The following RBBP8NL variants were observed in gnomAD, a reference collection of about 807,000 sequenced individuals.
RBBP8NL encodes RBBP8 N-terminal-like protein.
A neutral mutation model predicts 62.2 loss-of-function variants in RBBP8NL; 59 were observed. That is an observed-to-expected ratio of 0.95 (90% CI 0.77 to 1.18). The LOEUF is 1.18. RBBP8NL is among the 50% of genes most tolerant of loss of function. The probability of loss-of-function intolerance (pLI) is 0.00; values close to 1 mark genes in which losing one functional copy is unlikely to be tolerated. For synonymous variants in RBBP8NL, 412 were observed against 394.1 expected (o/e 1.05, Z -0.54); for missense variants, 896 against 899.5 (o/e 1.00, Z 0.05).
intron 7 of RBBP8NL, 60 bp downstream of exon 7, chr20:62,415,728 G>A: frequency 6.2e-7 from 1 of 1,609,716 alleles, no homozygotes; most frequent in Non-Finnish European, 8.5e-7. Context: ...CAGCCCCAGG[G>A]GGAGGATCCC....
Position 62,419,625 on chromosome 20 carries a change from A to G in RBBP8NL, c.23T>C (p.Leu8Pro). 1 of 1,613,422 alleles carries G rather than the reference A, an allele frequency of 6.2e-7. No homozygotes were observed. The highest frequency in any genetic ancestry group is 8.5e-7 in the Non-Finnish European group (1 of 1,179,928). ...CTCGTGGATCTCCTTCAGCCTGTTC[A>G]GCGACTCCATGAAGCTCTCCATGGC... Reference protein sequence around the residue: MESFMESLNRLKEIHEKE... With the variant: MESFMESPNRLKEIHEKE... Residue 8 changes from leucine (L) to proline (P), a missense_variant, in exon 2 of 14, where the codon CTG becomes CCG. Leu to Pro is a moderately conservative substitution (Grantham distance 98). Coordinates refer to ENST00000252998, the MANE Select transcript of RBBP8NL (RefSeq NM_080833.3).
At chr20:62,413,097 G>C (rs1179734908) in intron 11 of RBBP8NL, among the ~76,000 whole-genome samples, 197 bp from the exon 12 acceptor site, 1 of 152,272 alleles carries the variant, frequency 6.6e-6, no homozygotes, top group African/African-American at 2.4e-5. Context: ...CCATCAGTTG[G>C]GGTTCCCGCC....
In RBBP8NL at chr20:62,420,375, C is replaced by CACAT. The variant is rs1555892562; in HGVS notation, c.-83-646_-83-645insATGT. ...GCACACACACACACACACACACACACACACACACACACACACACAGATAGC... is the reference window on the plus strand; with the variant it reads ...GCACACACACACACACACACACACACACATACACACACACACACACACAGATAGC... On this transcript the variant is annotated intron_variant, in intron 1 of 13. Coordinates refer to ENST00000252998, the MANE Select transcript of RBBP8NL (RefSeq NM_080833.3). 5.3e-3 allele frequency among the ~76,000 whole-genome samples: 796 copies of CACAT among 150,432 alleles called. 8 individuals are homozygous for CACAT. The highest frequency in any genetic ancestry group is 0.019 in the African/African-American group (755 of 40,498).
Position 62,410,704 on chromosome 20 carries a change from G to A in RBBP8NL, c.*174C>T, listed in dbSNP as rs1988413777. The A allele has an allele frequency of 1.6e-6, 1 of 634,048 alleles. No homozygotes were observed. Among genetic ancestry groups the A allele is most frequent in the African/African-American group, 1.8e-5 (1 of 54,864 alleles). The allele number at this position is 634,048 out of a possible 1,614,324, so 39.3% of individuals were successfully genotyped here. On this transcript the variant is annotated 3_prime_UTR_variant, in exon 14 of 14. Transcript: ENST00000252998. The stretch of plus-strand genomic sequence containing the variant: ...GGTGGTGTGCCCTCTCCAGGCTGTG[G>A]TGAGCAGGCAGAGAGCTGCCCTGGG...
chr20:62,416,936 C>G, intron 4 of RBBP8NL, 64 bp from the exon 5 acceptor site: 3 of 1,243,712 alleles, frequency 2.4e-6, no homozygotes, highest in Non-Finnish European at 3.4e-6. Context: ...GCCTGGGACA[C>G]TCACTGCCCC....
In RBBP8NL at chr20:62,416,223, G is replaced by A. The variant is rs747514306; in HGVS notation, c.327C>T (p.Asn109=). 15 of 1,436,286 alleles carry A rather than the reference G, an allele frequency of 1.0e-5. No individual in the cohort carries two copies. Among genetic ancestry groups the A allele is most frequent in the African/African-American group, 4.5e-5 (3 of 66,754 alleles). The allele number at this position is 1,436,286 out of a possible 1,614,324, so 89.0% of individuals were successfully genotyped here. A position where few individuals can be genotyped will look rare whatever the true frequency, so the allele number is the denominator to read the frequency against. The change falls in exon 6 of 14, where the codon AAC becomes AAT. Residue 109 remains asparagine, a synonymous_variant. Transcript: ENST00000252998. ...AGGTCTCGTTCTCTTCCTTCAGCCCGTTCATCTCGTTGGCTGCAAAAGGCA... is the reference window on the plus strand; with the variant it reads ...AGGTCTCGTTCTCTTCCTTCAGCCCATTCATCTCGTTGGCTGCAAAAGGCA... ...QRIFILTNEM[N]GLKEENETLK... is the part of the protein sequence containing the mutation.
chr20:62,419,463 G>A (rs1436488887), intron 2 of RBBP8NL, 124 bp downstream of exon 2: 49 of 1,018,510 alleles, frequency 4.8e-5, no homozygotes, highest in South Asian at 4.7e-4. Context: ...CCAAAAAGAC[G>A]GGGTCCATTC....
rs945007063 is a variant in RBBP8NL, at chr20:62,420,381, C to T, written c.-83-651G>A. On this transcript the variant is annotated intron_variant, in intron 1 of 13. Coordinates refer to ENST00000252998, the MANE Select transcript of RBBP8NL (RefSeq NM_080833.3). ...ACACACACACACACACACACACACA[C>T]ACACACACACACAGATAGCATGTGC... Among the ~76,000 whole-genome samples, 62 of 147,912 alleles carry T rather than the reference C, an allele frequency of 4.2e-4. No individual in the cohort carries two copies. The East Asian group carries it at 5.5e-3, about 13-fold the overall frequency.
rs553649890 is a variant in RBBP8NL at position 62,418,286 on chromosome 20, TC to T, written c.104+136del. ...CACCGTGTGACCTTGGACAAGTGAC[TC>T]CCCCCGCCCCCACACTGAGCCTCAG... On this transcript the variant is annotated intron_variant, in intron 3 of 13. Coordinates refer to ENST00000252998, the MANE Select transcript of RBBP8NL (RefSeq NM_080833.3). The T allele has an allele frequency of 1.4e-4, 120 of 883,598 alleles. 1 individual carries two copies. In the African/African-American group the frequency reaches 1.6e-3, roughly 11 times the overall value. The allele number at this position is 883,598 out of a possible 1,614,324, so 54.7% of individuals were successfully genotyped here.
rs145071825 is a variant in RBBP8NL, at chr20:62,415,481, C to T, written c.627+97G>A. On this transcript the variant is annotated intron_variant, in intron 8 of 13. Transcript: ENST00000252998. ...AAGGAGGGGCACATTCAGGGTTAGG[C>T]GCATGAGAGGCTGGCATACTGAAAG... 2.8e-3 allele frequency: 3,999 copies of T among 1,436,396 alleles called. 21 individuals carry two copies. Among genetic ancestry groups the T allele is most frequent in the African/African-American group, 0.015 (1,086 of 71,640 alleles). The allele number at this position is 1,436,396 out of a possible 1,614,324, so 89.0% of individuals were successfully genotyped here.
intron 11 of RBBP8NL, 22 bp downstream of exon 11, chr20:62,413,379 T>C: frequency 1.4e-6 from 2 of 1,406,328 alleles, no homozygotes; most frequent in Non-Finnish European, 1.9e-6. Flanking sequence ...AGCTGGACTC[T>C]GACCCCAGGT....
At chr20:62,417,106 T>C in intron 4 of RBBP8NL, 118 bp downstream of exon 4, 2 of 803,658 alleles carry the variant, frequency 2.5e-6, no homozygotes, top group Admixed American at 5.2e-5. Context: ...TGGGGAAACC[T>C]TCCTGGTTCA....
chr20:62,413,934 C>T lies in RBBP8NL; in HGVS notation c.1417G>A (p.Ala473Thr), dbSNP rs746341470. Residue 473 changes from alanine to threonine, a missense_variant, in exon 10 of 14, where the codon GCC becomes ACC. Transcript: ENST00000252998. ...GACTGGGTGGGTGGCTCGGGGCTGG[C>T]AGTGTGGGCAGCGGCAGGGCTGAGT... ...GSLSPAAAHT[A>T]SPEPPTQSGP... 72 of 1,588,684 alleles carry T rather than the reference C, an allele frequency of 4.5e-5. No individual in the cohort carries two copies. In the Middle Eastern group the frequency reaches 1.0e-3, roughly 23 times the overall value.
intron 13 of RBBP8NL, among the ~76,000 whole-genome samples, chr20:62,411,779 C>G (rs1188559384): frequency 6.6e-6 from 1 of 152,252 alleles, no homozygotes; most frequent in African/African-American, 2.4e-5. Flanking sequence ...AGACTGCACC[C>G]CCCGGGGCCA....
intron 6 of RBBP8NL, 73 bp downstream of exon 6, chr20:62,416,091 G>A (rs1988558181): frequency 6.6e-7 from 1 of 1,507,346 alleles, no homozygotes; most frequent in Middle Eastern, 1.8e-4. Context: ...TTCCCCCAGG[G>A]ACGTGTGCTG....
intron 13 of RBBP8NL, among the ~76,000 whole-genome samples, chr20:62,411,548 T>C (rs994091721): frequency 6.6e-6 from 1 of 152,210 alleles, no homozygotes; most frequent in Non-Finnish European, 1.5e-5. Flanking sequence ...AGCCAAACAG[T>C]GATGATCCTA....
chr20:62,416,727 G>T, intron 5 of RBBP8NL, 33 bp downstream of exon 5: 1 of 1,487,874 alleles, frequency 6.7e-7, no homozygotes, highest in Non-Finnish European at 9.2e-7. Flanking sequence ...CCCCGTGGGA[G>T]AGGACCCCGG....
chr20:62,413,039 A>G, intron 11 of RBBP8NL, 139 bp from the exon 12 acceptor site: 1 of 987,150 alleles, frequency 1.0e-6, no homozygotes, highest in Non-Finnish European at 1.5e-6. Flanking sequence ...GCCCCAGGGC[A>G]CTGGCTGACA....
chr20:62,415,337 T>C lies in RBBP8NL; in HGVS notation c.628-50A>G, dbSNP rs1340984483. ...GGGCGGGGGCATGCGTGGCCTCTGCTGTGGCCTCTGCCATAGCCTCTGCTG... is the reference window on the plus strand; with the variant it reads ...GGGCGGGGGCATGCGTGGCCTCTGCCGTGGCCTCTGCCATAGCCTCTGCTG... On this transcript the variant is annotated intron_variant, in intron 8 of 13. Transcript: ENST00000252998. The C allele has an allele frequency of 3.9e-6, 6 of 1,520,104 alleles. No individual in the cohort carries two copies. In the East Asian group the frequency reaches 9.6e-5, roughly 24 times the overall value. 94.2% of individuals were successfully genotyped at this position (1,520,104 alleles called of 1,614,324 possible).
Sources: gnomAD v4.1 joint callset for allele counts (sites outside exome capture counted in the v4.1 genomes callset) on GRCh38, gnomAD v4.1.1 for gene constraint, MANE v1.5 for transcripts, NCBI Gene and HGNC (gene_info 2026-07-23, HGNC 2026-07-21) for gene names.